Variants in LUZP2 observed in about 807,000 individuals in gnomAD.
LUZP2 encodes the protein leucine zipper protein 2.
LUZP2 carries 52 observed loss-of-function variants against 51.6 expected under a neutral mutation model. The ratio of observed to expected loss-of-function variants is 1.01; its 90% CI spans 0.81 to 1.27. The LOEUF (loss-of-function observed/expected upper bound fraction) is 1.27, where lower values mean the gene tolerates loss of function less well. Ranked by LOEUF, LUZP2 falls within the 50% of genes most tolerant of loss-of-function variation. The pLI is 0.00. For synonymous variants in LUZP2, 154 were observed against 137.3 expected, an observed-to-expected ratio of 1.12 and a Z score of -0.85; for missense variants, 436 against 395.4, an observed-to-expected ratio of 1.10 and a Z score of -0.87.
intron 1 of LUZP2, among the ~76,000 whole-genome samples, chr11:24,532,050 G>A (rs10834366): frequency 0.14 from 21,373 of 150,388 alleles, 2,008 homozygotes; most frequent in African/African-American, 0.26. Context: ...AAACAATCAG[G>A]GCAGGAAAGA....
chr11:24,853,649 A>G (rs1851462490), intron 5 of LUZP2, among the ~76,000 whole-genome samples: 1 of 151,990 alleles, frequency 6.6e-6, no homozygotes, highest in Non-Finnish European at 1.5e-5. Context: ...TTCTGCATCC[A>G]GTTTTGTTCC....
At chr11:24,892,416 C>G (rs1443149971) in intron 5 of LUZP2, 10 of 980,522 alleles carry the variant, frequency 1.0e-5, no homozygotes, top group Non-Finnish European at 1.2e-5. Context: ...TCGATTAGCA[C>G]TTATTATAAA....
At chr11:24,855,845 A>C (rs1309345380) in intron 5 of LUZP2, among the ~76,000 whole-genome samples, 1 of 152,334 alleles carries the variant, frequency 6.6e-6, no homozygotes, top group Non-Finnish European at 1.5e-5. Context: ...AGTCAATTAG[A>C]GCATACACAG....
intron 1 of LUZP2, among the ~76,000 whole-genome samples, chr11:24,614,689 G>T (rs956202686): frequency 1.3e-5 from 2 of 151,790 alleles, no homozygotes; most frequent in Admixed American, 6.6e-5. Flanking sequence ...ACTTTTCCTC[G>T]AGAAGGGACA....
intron 1 of LUZP2, among the ~76,000 whole-genome samples, chr11:24,670,327 C>CT (rs1394240773): frequency 6.6e-6 from 1 of 151,948 alleles, no homozygotes; most frequent in East Asian, 1.9e-4. Flanking sequence ...TGACTATGGT[C>CT]ATAATAACAG....
chr11:24,963,496 C>T (rs552272175), intron 7 of LUZP2, among the ~76,000 whole-genome samples: 1 of 152,204 alleles, frequency 6.6e-6, no homozygotes, highest in Non-Finnish European at 1.5e-5. Flanking sequence ...AGCCCCGCTG[C>T]TGCCTTGCAG....
At chr11:24,859,777 G>A (rs1014784976) in intron 5 of LUZP2, among the ~76,000 whole-genome samples, 6 of 152,308 alleles carry the variant, frequency 3.9e-5, no homozygotes, top group Middle Eastern at 3.4e-3. Flanking sequence ...CAAAGGAGGC[G>A]ATGAGTGAGC....
intron 1 of LUZP2, among the ~76,000 whole-genome samples, chr11:24,686,831 T>TTTTATGTTAAACC (rs1413670468): frequency 5.3e-5 from 8 of 152,166 alleles, no homozygotes; most frequent in African/African-American, 1.9e-4. Flanking sequence ...CCCTTCAACA[T>TTTTATGTTAAACC]TTTATGTTAA....
At chr11:24,768,573 T>C (rs7925629) in intron 5 of LUZP2, among the ~76,000 whole-genome samples, 12,208 of 152,186 alleles carry the variant, frequency 0.08, 1,059 homozygotes, top group African/African-American at 0.22. Flanking sequence ...AAATAAATAA[T>C]CTGATAAAAT....
At chr11:24,799,371 G>T (rs1382738375) in intron 5 of LUZP2, among the ~76,000 whole-genome samples, 1 of 152,030 alleles carries the variant, frequency 6.6e-6, no homozygotes, top group African/African-American at 2.4e-5. Context: ...GCCAATGTGG[G>T]GGGATCACGA....
chr11:24,724,817 A>G (rs915155508), intron 1 of LUZP2, among the ~76,000 whole-genome samples: 2 of 152,200 alleles, frequency 1.3e-5, no homozygotes, highest in African/African-American at 4.8e-5. Context: ...ATGTTCAGTG[A>G]GGTATCTGGA....
At chr11:24,629,309 A>G (rs1313334355) in intron 1 of LUZP2, among the ~76,000 whole-genome samples, 3 of 151,716 alleles carry the variant, frequency 2.0e-5, no homozygotes, top group East Asian at 1.9e-4. Context: ...TTTAGCTCCA[A>G]ATTATGAATG....
At chr11:24,778,226 C>A (rs1454004278) in intron 5 of LUZP2, among the ~76,000 whole-genome samples, 1 of 151,824 alleles carries the variant, frequency 6.6e-6, no homozygotes, top group East Asian at 1.9e-4. Context: ...CATAGTGAGA[C>A]CTCGTCTCTG....
At chr11:25,056,823 G>A (rs372209243) in intron 10 of LUZP2, among the ~76,000 whole-genome samples, 4 of 151,972 alleles carry the variant, frequency 2.6e-5, no homozygotes, top group East Asian at 1.9e-4. Flanking sequence ...AGAAATTGCC[G>A]GGCGCCGTGG....
chr11:24,761,658 G>A (rs1859984182), intron 4 of LUZP2, among the ~76,000 whole-genome samples: 1 of 152,074 alleles, frequency 6.6e-6, no homozygotes, highest in Non-Finnish European at 1.5e-5. Context: ...TGTATTTAGG[G>A]ATATGTCAGT....
At chr11:24,835,524 C>A (rs1483648033) in intron 5 of LUZP2, among the ~76,000 whole-genome samples, 1 of 152,040 alleles carries the variant, frequency 6.6e-6, no homozygotes, top group Non-Finnish European at 1.5e-5. Flanking sequence ...GAACAGGCAA[C>A]CTACAGAAAA....
At chr11:24,920,158 T>C (rs1413784281) in intron 7 of LUZP2, among the ~76,000 whole-genome samples, 2 of 151,980 alleles carry the variant, frequency 1.3e-5, no homozygotes, top group African/African-American at 4.8e-5. Flanking sequence ...AAATTCAATC[T>C]ATCAACTTCT....
chr11:24,608,422 T>C (rs1328412799), intron 1 of LUZP2, among the ~76,000 whole-genome samples: 2 of 152,244 alleles, frequency 1.3e-5, no homozygotes, highest in Admixed American at 6.5e-5. Flanking sequence ...CCATGAATTG[T>C]AATGGTTTAG....
At chr11:25,040,152 A>G (rs371804573) in intron 9 of LUZP2, among the ~76,000 whole-genome samples, 20 of 152,266 alleles carry the variant, frequency 1.3e-4, no homozygotes, top group African/African-American at 3.9e-4. Context: ...ACTTAATTCA[A>G]TAAATGCATA....
Sources: gnomAD v4.1 joint callset for allele counts (sites outside exome capture counted in the v4.1 genomes callset) on GRCh38, gnomAD v4.1.1 for gene constraint, MANE v1.5 for transcripts, NCBI Gene and HGNC (gene_info 2026-07-23, HGNC 2026-07-21) for gene names.